Variants in FAR2 observed in about 807,000 individuals in gnomAD.
FAR2 encodes fatty acyl-CoA reductase 2, also known as epididymis secretory protein Li 81.
FAR2 carries 19 observed loss-of-function variants against 56.0 expected under a neutral mutation model. The ratio of observed to expected loss-of-function variants is 0.34; its 90% confidence interval spans 0.24 to 0.50. FAR2 has a LOEUF of 0.50. FAR2 is among the 20% of genes least tolerant of loss of function. FAR2 has a pLI of 0.98. For missense variants in FAR2, 508 were observed against 642.2 expected (o/e 0.79, Z 2.26); for synonymous variants, 219 against 218.8 (o/e 1.00, Z -0.01).
chr12:29,159,042 C>T (rs774076522), intron 1 of FAR2, among the ~76,000 whole-genome samples: 36 of 152,316 alleles, frequency 2.4e-4, no homozygotes, highest in Non-Finnish European at 4.6e-4. Context: ...AGTTATAGTA[C>T]CAGCCCTCAA....
At chr12:29,257,697 C>G (rs140259944) in intron 1 of FAR2, among the ~76,000 whole-genome samples, 1 of 152,014 alleles carries the variant, frequency 6.6e-6, no homozygotes, top group Non-Finnish European at 1.5e-5. Flanking sequence ...ACACTCACCT[C>G]GAAGGTCTGC....
chr12:29,268,833 A>T (rs111664423), intron 1 of FAR2, among the ~76,000 whole-genome samples: 5,398 of 152,210 alleles, frequency 0.035, 313 homozygotes, highest in African/African-American at 0.12. Flanking sequence ...ACATGTCGGT[A>T]GGTTCCATGA....
chr12:29,300,946 T>A (rs1201146689), intron 4 of FAR2, among the ~76,000 whole-genome samples: 1 of 152,168 alleles, frequency 6.6e-6, no homozygotes, highest in East Asian at 1.9e-4. Flanking sequence ...TCAGTGTTGT[T>A]AATAATGGGA....
At chr12:29,234,901 A>G (rs185075701) in intron 1 of FAR2, among the ~76,000 whole-genome samples, 4 of 152,276 alleles carry the variant, frequency 2.6e-5, no homozygotes, top group African/African-American at 7.2e-5. Context: ...ATTTATTTCA[A>G]TTACTCACCT....
At chr12:29,259,946 C>T (rs950150375) in intron 1 of FAR2, among the ~76,000 whole-genome samples, 1 of 152,118 alleles carries the variant, frequency 6.6e-6, no homozygotes, top group East Asian at 1.9e-4. Context: ...ATCCTCTGCT[C>T]TCTGCATTAG....
chr12:29,182,196 C>A (rs894843622), intron 1 of FAR2, among the ~76,000 whole-genome samples: 7 of 152,078 alleles, frequency 4.6e-5, no homozygotes, highest in South Asian at 2.1e-4. Context: ...GTGGTGTAGA[C>A]CCAAAGAGTG....
chr12:29,233,061 T>C (rs1037903602), intron 1 of FAR2, among the ~76,000 whole-genome samples: 1 of 152,202 alleles, frequency 6.6e-6, no homozygotes, highest in African/African-American at 2.4e-5. Context: ...TCATTTTCTC[T>C]CAATCTATCA....
In FAR2 at chr12:29,324,674, A is replaced by C. The variant is rs1460792560; in HGVS notation, c.1257+2750A>C. On this transcript the variant is annotated intron_variant, in intron 10 of 11. Transcript: ENST00000536681. Reference sequence around the variant, plus strand: ...AAGCTTCATAAGTGAAGGAGAAATAAAATACTTTACAGACAAGCAAATGCT... The same window carrying C: ...AAGCTTCATAAGTGAAGGAGAAATACAATACTTTACAGACAAGCAAATGCT... 4.6e-5 allele frequency among the ~76,000 whole-genome samples: 7 copies of C among 152,260 alleles called. No individual in the cohort carries two copies. The East Asian group carries it at 1.4e-3, about 29-fold the overall frequency.
chr12:29,286,565 C>T (rs1432870385), intron 2 of FAR2, among the ~76,000 whole-genome samples: 5 of 152,188 alleles, frequency 3.3e-5, no homozygotes, highest in African/African-American at 1.2e-4. Flanking sequence ...ATCTTCCTAG[C>T]CACCCTAGCT....
Position 29,155,771 on chromosome 12 carries a change from A to T in FAR2, c.-39+6364A>T, listed in dbSNP as rs73273153. ...TTAGTGCCCTAACCAATCAATTATT[A>T]TGACCTTTAAATCCTAATATATTTA... On this transcript the variant is annotated intron_variant, in intron 1 of 11. Coordinates refer to ENST00000536681, the MANE Select transcript of FAR2 (RefSeq NM_001271783.2). Among the ~76,000 whole-genome samples, 1,320 of 152,300 alleles carry T rather than the reference A, an allele frequency of 8.7e-3. 23 individuals are homozygous for T. Among genetic ancestry groups the T allele is most frequent in the African/African-American group, 0.031 (1,273 of 41,550 alleles).
intron 1 of FAR2, among the ~76,000 whole-genome samples, chr12:29,155,208 G>A (rs1283475632): frequency 1.3e-5 from 2 of 152,178 alleles, no homozygotes; most frequent in Non-Finnish European, 2.9e-5. Flanking sequence ...ATAAACAATG[G>A]GGAAGACTCC....
rs569002180 is a variant in FAR2 at position 29,206,324 on chromosome 12, C to T, written c.-39+56917C>T. On this transcript the variant is annotated intron_variant, in intron 1 of 11. Coordinates refer to ENST00000536681, the MANE Select transcript of FAR2 (RefSeq NM_001271783.2). ...TTAAGCCAGTATATTCCAAAGGTGA[C>T]GCCAGAGTTTACCTGATACAAATAC... Among the ~76,000 whole-genome samples the T allele has an allele frequency of 6.2e-4, 95 of 152,328 alleles. 2 individuals carry two copies. The South Asian group carries it at 8.5e-3, about 14-fold the overall frequency.
intron 1 of FAR2, among the ~76,000 whole-genome samples, chr12:29,231,815 C>T (rs1029913120): frequency 2.6e-5 from 4 of 152,152 alleles, no homozygotes; most frequent in African/African-American, 7.2e-5. Flanking sequence ...GCACTATGGA[C>T]ATCCTGAAGT....
chr12:29,309,292 T>C lies in FAR2; in HGVS notation c.768+62T>C, dbSNP rs1591955958. On this transcript the variant is annotated intron_variant, in intron 6 of 11. Transcript: ENST00000536681. ...TAGTAGAGAAATAGTAACAAAATTCTTAGTGCTGGCTTAGCTTCATTGATC... is the reference window on the plus strand; with the variant it reads ...TAGTAGAGAAATAGTAACAAAATTCCTAGTGCTGGCTTAGCTTCATTGATC... 5.8e-6 allele frequency: 7 copies of C among 1,207,824 alleles called. No homozygotes were observed. In the East Asian group the frequency reaches 1.6e-4, roughly 28 times the overall value. 74.8% of individuals were successfully genotyped at this position (1,207,824 alleles called of 1,614,324 possible). A position where few individuals can be genotyped will look rare whatever the true frequency, so the allele number is the denominator to read the frequency against.
At chr12:29,183,364 A>G (rs1348175151) in intron 1 of FAR2, among the ~76,000 whole-genome samples, 5 of 152,068 alleles carry the variant, frequency 3.3e-5, no homozygotes, top group African/African-American at 9.7e-5. Flanking sequence ...TGACTCACAA[A>G]CATAATCTCC....
intron 3 of FAR2, among the ~76,000 whole-genome samples, chr12:29,295,756 A>ATTTTTTTTT (rs61390530): frequency 6.8e-5 from 6 of 88,390 alleles, no homozygotes; most frequent in Admixed American, 1.5e-4. Flanking sequence ...TTTTTACGTA[A>ATTTTTTTTT]TTTTTTTTTT....
chr12:29,312,879 G>A (rs967012623), intron 8 of FAR2, among the ~76,000 whole-genome samples: 8 of 152,064 alleles, frequency 5.3e-5, no homozygotes, highest in South Asian at 2.1e-4. Flanking sequence ...AGACACTGTG[G>A]CTCATTTTAT....
At position 29,307,796 on chromosome 12, in the gene FAR2, G is replaced by C. The variant is rs763091462; in HGVS notation, c.684G>C (p.Arg228Ser). 1.9e-6 allele frequency: 3 copies of C among 1,612,276 alleles called. No homozygotes were observed. The South Asian group carries it at 3.3e-5, about 18-fold the overall frequency. The change falls in exon 5 of 12, where the codon AGG (arginine) becomes AGC (serine). Residue 228 changes from arginine (R) to serine (S), a missense_variant. Arg to Ser is a moderately radical substitution (Grantham distance 110, BLOSUM62 -1). Transcript: ENST00000536681. The stretch of plus-strand genomic sequence containing the variant: ...GGAACCTGAACATTGCCATCATAAG[G>C]CCCTCCATTGTGGGAGCAACTTGGC... Reference protein sequence around the residue: ...ESRNLNIAIIRPSIVGATWQE... With the variant: ...ESRNLNIAIISPSIVGATWQE...
chr12:29,298,237 G>A (rs1188075999), intron 4 of FAR2, among the ~76,000 whole-genome samples: 1 of 150,760 alleles, frequency 6.6e-6, no homozygotes, highest in Non-Finnish European at 1.5e-5. Context: ...TCAGGTCTTA[G>A]AATAAGTTTG....
Sources: gnomAD v4.1 joint callset for allele counts (sites outside exome capture counted in the v4.1 genomes callset) on GRCh38, gnomAD v4.1.1 for gene constraint, MANE v1.5 for transcripts, NCBI Gene and HGNC (gene_info 2026-07-23, HGNC 2026-07-21) for gene names.